The following HDX variants were observed in gnomAD, a reference collection of about 807,000 sequenced individuals.
The protein encoded by HDX is highly divergent homeobox.
In HDX, 19 loss-of-function variants were observed where a neutral mutation model predicts 45.2. The observed-to-expected ratio is 0.42, with a 90% CI of 0.29 to 0.62. The LOEUF (loss-of-function observed/expected upper bound fraction) is 0.62, where lower values mean the gene tolerates loss of function less well. Among genes scored for constraint, HDX ranks in the 20% least tolerant of loss-of-function variants. The probability of loss-of-function intolerance (pLI) is 0.20; values close to 1 mark genes in which losing one functional copy is unlikely to be tolerated. For missense variants in HDX, 532 were observed against 493.9 expected (o/e 1.08, Z -0.73); for synonymous variants, 188 against 172.8 (o/e 1.09, Z -0.69).
intron 2 of HDX, among the ~76,000 whole-genome samples, chrX:84,475,904 A>T (rs2148156337): frequency 8.9e-6 from 1 of 112,010 alleles, no homozygotes; most frequent in Admixed American, 9.5e-5. Flanking sequence ...ATATTAAAAC[A>T]AAACCTCTTT....
At chrX:84,397,569 A>C (rs1345434392) in intron 5 of HDX, among the ~76,000 whole-genome samples, 1 of 111,399 alleles carries the variant, frequency 9.0e-6, no homozygotes, top group Non-Finnish European at 1.9e-5. Flanking sequence ...GAGTCTCACC[A>C]GTCTCCAGGC....
chrX:84,430,952 A>G (rs5968319), intron 5 of HDX, among the ~76,000 whole-genome samples: 7,757 of 110,297 alleles, frequency 0.07, 334 homozygotes, highest in African/African-American at 0.16. Context: ...TTTAGAGTAC[A>G]GATTATTTTG....
At chrX:84,459,384 G>A (rs5967483) in intron 4 of HDX, among the ~76,000 whole-genome samples, 3,749 of 109,607 alleles carry the variant, frequency 0.034, 128 homozygotes, top group African/African-American at 0.11. Flanking sequence ...AGAGCGTGCA[G>A]TGAGCCGAGA....
Position 84,469,518 on chromosome X carries a change from C to T in HDX, c.205G>A (p.Ala69Thr). The change falls in exon 4 of 11, where the codon GCA becomes ACA. Residue 69 changes from alanine to threonine, a missense_variant. By Grantham distance (58) the Ala-to-Thr change is moderately conservative. Transcript: ENST00000373177. ...MSSKNSESGT[A>T]TTGTSLSAPD... ...GCTGACAAAGAGGTTCCTGTTGTTG[C>T]TGTTCCAGATTCAGAGTTCTTACTA... 8.3e-7 allele frequency: 1 copy of T among 1,206,485 alleles called. No homozygotes were observed. Among genetic ancestry groups the T allele is most frequent in the South Asian group, 1.8e-5 (1 of 56,211 alleles).
chrX:84,468,874 T>C lies in HDX; in HGVS notation c.849A>G (p.Pro283=), dbSNP rs750127833. The C allele has an allele frequency of 3.3e-6, 4 of 1,211,340 alleles. No homozygotes were observed. In the East Asian group the frequency reaches 1.2e-4, roughly 36 times the overall value. ...TTCCTTCTGCTGAGCTAGGCTTCTG[T>C]GGGGCATTTCCTCCCAGAATTCTCT... ...YPQRILGGNA[P]QKPSSAEGNC... The change falls in exon 4 of 11, where the codon CCA becomes CCG. Residue 283 remains proline, a synonymous_variant. Coordinates refer to ENST00000373177, the MANE Select transcript of HDX (RefSeq NM_001177479.2).
At chrX:84,444,704 C>A (rs1046345594) in intron 4 of HDX, among the ~76,000 whole-genome samples, 1 of 111,320 alleles carries the variant, frequency 9.0e-6, no homozygotes, top group East Asian at 2.8e-4. Context: ...GAAAATAATG[C>A]ACTTATTTAG....
At chrX:84,465,284 C>A (rs748471430) in intron 4 of HDX, among the ~76,000 whole-genome samples, 1 of 111,870 alleles carries the variant, frequency 8.9e-6, no homozygotes, top group African/African-American at 3.3e-5. Flanking sequence ...CGATCTAGAA[C>A]CAGATATACC....
chrX:84,447,193 A>G (rs1264738395), intron 4 of HDX, among the ~76,000 whole-genome samples: 1 of 112,139 alleles, frequency 8.9e-6, no homozygotes, highest in African/African-American at 3.2e-5. Flanking sequence ...GTAGCCACAT[A>G]GAGCAGGGGC....
chrX:84,459,814 G>A (rs1193486601), intron 4 of HDX, among the ~76,000 whole-genome samples: 3 of 111,637 alleles, frequency 2.7e-5, no homozygotes, highest in Non-Finnish European at 5.6e-5. Context: ...GGAGAAAAGA[G>A]AGAAGACTCA....
At chrX:84,348,623 C>T (rs1275124607) in intron 6 of HDX, among the ~76,000 whole-genome samples, 3 of 111,353 alleles carry the variant, frequency 2.7e-5, no homozygotes, top group South Asian at 3.7e-4. Flanking sequence ...AGGCATTTGG[C>T]GATGTAGTGT....
chrX:84,383,118 T>G (rs2038228297), intron 5 of HDX, among the ~76,000 whole-genome samples: 1 of 111,334 alleles, frequency 9.0e-6, no homozygotes, highest in African/African-American at 3.3e-5. Flanking sequence ...GCATTCTTCT[T>G]AATCCTGGCC....
intron 6 of HDX, among the ~76,000 whole-genome samples, chrX:84,359,699 T>G: frequency 8.9e-6 from 1 of 111,760 alleles, no homozygotes; most frequent in Admixed American, 9.6e-5. Context: ...ATCCTTTGGG[T>G]ACATGCCCAG....
At chrX:84,430,920 G>T (rs1016849368) in intron 5 of HDX, among the ~76,000 whole-genome samples, 4 of 109,450 alleles carry the variant, frequency 3.7e-5, no homozygotes, top group Admixed American at 2.9e-4. Flanking sequence ...TTGCTATTTA[G>T]GTAAGTTGCA....
intron 5 of HDX, chrX:84,404,014 C>T (rs1450762480): frequency 9.0e-6 from 1 of 111,218 alleles, no homozygotes; most frequent in African/African-American, 3.3e-5. Context: ...AAGGGCTAAG[C>T]AGGTGCCGAC....
At chrX:84,496,326 C>T (rs1485966494) in intron 1 of HDX, among the ~76,000 whole-genome samples, 2 of 111,551 alleles carry the variant, frequency 1.8e-5, no homozygotes, top group African/African-American at 6.5e-5. Flanking sequence ...CTCTGTTGTA[C>T]AGGAAGTAAG....
chrX:84,343,522 A>C (rs1323187968), intron 7 of HDX, among the ~76,000 whole-genome samples: 1 of 111,258 alleles, frequency 9.0e-6, no homozygotes, highest in Non-Finnish European at 1.9e-5. Flanking sequence ...TCCTGAGTTC[A>C]AGCAATCATT....
intron 5 of HDX, among the ~76,000 whole-genome samples, chrX:84,410,398 A>G (rs938858168): frequency 9.0e-6 from 1 of 111,465 alleles, no homozygotes; most frequent in Admixed American, 9.6e-5. Flanking sequence ...TTCTTCATCT[A>G]TTGAAATGGT....
At chrX:84,347,832 G>A (rs1230016832) in intron 6 of HDX, among the ~76,000 whole-genome samples, 2 of 111,221 alleles carry the variant, frequency 1.8e-5, no homozygotes, top group Non-Finnish European at 3.8e-5. Context: ...TTGCTCCTCT[G>A]TAATTAAGGT....
intron 4 of HDX, among the ~76,000 whole-genome samples, chrX:84,466,026 G>A (rs17267483): frequency 0.089 from 9,875 of 111,300 alleles, 470 homozygotes; most frequent in South Asian, 0.27. Flanking sequence ...ACTCTCTCAA[G>A]TCAGGTTGGC....
Sources: gnomAD v4.1 joint callset for allele counts (sites outside exome capture counted in the v4.1 genomes callset) on GRCh38, gnomAD v4.1.1 for gene constraint, MANE v1.5 for transcripts, NCBI Gene and HGNC (gene_info 2026-07-23, HGNC 2026-07-21) for gene names.